NUFIP2: variants seen among roughly 807,000 people sequenced by gnomAD.
The protein encoded by NUFIP2 is nuclear FMR1 interacting protein 2.
Under a neutral mutation model 56.9 loss-of-function variants are expected in NUFIP2, and 6 were observed. The observed-to-expected ratio is 0.11, with a 90% CI of 0.06 to 0.21. The LOEUF (loss-of-function observed/expected upper bound fraction) is 0.21. Among genes scored for constraint, NUFIP2 ranks in the 10% least tolerant of loss-of-function variants. The probability of loss-of-function intolerance (pLI) is 1.00; values close to 1 mark genes in which losing one functional copy is unlikely to be tolerated. For missense variants in NUFIP2, 828 were observed against 826.8 expected, an observed-to-expected ratio of 1.00 and a Z score of -0.02; for synonymous variants, 321 against 298.2, an observed-to-expected ratio of 1.08 and a Z score of -0.79.
chr17:29,282,142 A>C (rs2069144054), intron 2 of NUFIP2, among the ~76,000 whole-genome samples: 1 of 152,154 alleles, frequency 6.6e-6, no homozygotes, highest in African/African-American at 2.4e-5. Context: ...AAAAATCCAT[A>C]GTACGCTTAA....
chr17:29,272,840 C>CTTTTTTTTTTTTTTTTT (rs869121432), intron 2 of NUFIP2, among the ~76,000 whole-genome samples: 1 of 129,106 alleles, frequency 7.7e-6, no homozygotes, highest in Admixed American at 7.5e-5. Flanking sequence ...GTAACTGATT[C>CTTTTTTTTTTTTTTTTT]TTTTTTTTTT....
At position 29,293,960 on chromosome 17, in the gene NUFIP2, G is replaced by T; in HGVS notation, c.100C>A (p.His34Asn). 6.2e-7 allele frequency: 1 copy of T among 1,612,822 alleles called. No individual in the cohort carries two copies. Among genetic ancestry groups the T allele is most frequent in the African/African-American group, 1.3e-5 (1 of 74,962 alleles). The change falls in exon 1 of 4, where the codon CAC (histidine) becomes AAC (asparagine). Residue 34 changes from histidine to asparagine, a missense_variant. This residue lies in a region of NUFIP2 where 415 missense variants were observed against 408.7 expected (regional missense o/e 1.02). Transcript: ENST00000225388. ...CTGTGGTTGTAGAAATAATAATGGTGGTGGTGGTGCGGCTGCTGCTGCTGC... is the reference window on the plus strand; with the variant it reads ...CTGTGGTTGTAGAAATAATAATGGTTGTGGTGGTGCGGCTGCTGCTGCTGC... ...QQQQQQPHHHHHYYFYNHSHN... is the reference protein window; with the variant it reads ...QQQQQQPHHHNHYYFYNHSHN...
chr17:29,277,482 T>C (rs542202447), intron 2 of NUFIP2, among the ~76,000 whole-genome samples: 4 of 152,116 alleles, frequency 2.6e-5, no homozygotes, highest in African/African-American at 9.7e-5. Context: ...CCATTTTGGA[T>C]CAAATTCTGT....
chr17:29,284,691 AG>A (rs1402120241), intron 2 of NUFIP2, among the ~76,000 whole-genome samples: 11 of 126,516 alleles, frequency 8.7e-5, no homozygotes, highest in African/African-American at 3.3e-4. Context: ...GGGTGACAAG[AG>A]TAAGACTCCA....
chr17:29,288,743 G>T (rs1244297448), intron 1 of NUFIP2, among the ~76,000 whole-genome samples: 1 of 152,144 alleles, frequency 6.6e-6, no homozygotes, highest in Non-Finnish European at 1.5e-5. Flanking sequence ...TGCAATCCAT[G>T]GTTTCCTATC....
intron 2 of NUFIP2, among the ~76,000 whole-genome samples, chr17:29,282,464 C>G (rs1489546028): frequency 6.6e-6 from 1 of 151,408 alleles, no homozygotes; most frequent in Non-Finnish European, 1.5e-5. Flanking sequence ...AGGAGAATCG[C>G]TTGAACCCAG....
intron 1 of NUFIP2, among the ~76,000 whole-genome samples, chr17:29,290,105 G>A (rs1297557124): frequency 1.3e-5 from 2 of 151,872 alleles, no homozygotes; most frequent in Admixed American, 6.6e-5. Context: ...GGCTGGTTTC[G>A]AACTCCTGAC....
At chr17:29,280,453 A>C (rs1475374248) in intron 2 of NUFIP2, among the ~76,000 whole-genome samples, 1 of 152,202 alleles carries the variant, frequency 6.6e-6, no homozygotes, top group East Asian at 1.9e-4. Context: ...CAAGCTAAGC[A>C]TGGTGGCTCA....
intron 2 of NUFIP2, among the ~76,000 whole-genome samples, chr17:29,273,527 G>C (rs867441841): frequency 0.012 from 1,664 of 143,734 alleles, 25 homozygotes; most frequent in African/African-American, 0.042. Flanking sequence ...CACACACACA[G>C]ACACACAGCA....
At chr17:29,292,782 G>C (rs1280541371) in intron 1 of NUFIP2, among the ~76,000 whole-genome samples, 1 of 148,778 alleles carries the variant, frequency 6.7e-6, no homozygotes, top group Non-Finnish European at 1.5e-5. Context: ...CTCCCCTCGT[G>C]GCCGCTTCCC....
rs996409175 is a variant in NUFIP2 at position 29,259,289 on chromosome 17, AAG to A, written c.*5248_*5249del. On this transcript the variant is annotated 3_prime_UTR_variant, in exon 4 of 4. Coordinates refer to ENST00000225388, the MANE Select transcript of NUFIP2 (RefSeq NM_020772.3). The stretch of plus-strand genomic sequence containing the variant: ...TAGTTAGTTTAATAAGGCTGTAGAA[AAG>A]AGATACTTGGCCGGGCACGGTGGCT... The A allele has an allele frequency of 3.9e-5, 6 of 152,192 alleles. No homozygotes were observed. Among genetic ancestry groups the A allele is most frequent in the Non-Finnish European group, 2.9e-5 (2 of 68,044 alleles). The allele number at this position is 152,192 out of a possible 1,614,324, so 9.4% of individuals were successfully genotyped here.
At chr17:29,275,931 G>A (rs1159081125) in intron 2 of NUFIP2, among the ~76,000 whole-genome samples, 1 of 151,788 alleles carries the variant, frequency 6.6e-6, no homozygotes, top group African/African-American at 2.4e-5. Flanking sequence ...AGGAGGCTGA[G>A]GCAGGAGAAT....
In NUFIP2 at chr17:29,286,519, G is replaced by A. The variant is rs761449974; in HGVS notation, c.1475C>T (p.Ser492Phe). ...CCCCAGGTTTTGCTGATCTGTCTGA[G>A]AGGGCAGATCCACTTGTGCTGTGCT... Reference protein sequence around the residue: ...LLSTAQVDLPSQTDQQNLGDI... With the variant: ...LLSTAQVDLPFQTDQQNLGDI... The change falls in exon 2 of 4, where the codon TCT becomes TTT. Residue 492 changes from serine (S) to phenylalanine (F), a missense_variant. Physicochemically the swap from Ser to Phe is radical, Grantham distance 155. Coordinates refer to ENST00000225388, the MANE Select transcript of NUFIP2 (RefSeq NM_020772.3). 5.6e-6 allele frequency: 9 copies of A among 1,614,042 alleles called. No homozygotes were observed. The South Asian group carries it at 6.6e-5, about 12-fold the overall frequency.
At chr17:29,288,205 G>C (rs566785332) in intron 1 of NUFIP2, among the ~76,000 whole-genome samples, 1 of 152,190 alleles carries the variant, frequency 6.6e-6, no homozygotes, top group Admixed American at 6.5e-5. Flanking sequence ...CACCACGCTC[G>C]GCTAATTCTT....
chr17:29,265,396 G>C (rs58299451), intron 3 of NUFIP2, among the ~76,000 whole-genome samples: 2 of 144,738 alleles, frequency 1.4e-5, no homozygotes, highest in African/African-American at 2.5e-5. Context: ...TCCGCCTCCC[G>C]GGTTCACGCC....
intron 1 of NUFIP2, among the ~76,000 whole-genome samples, chr17:29,288,900 T>C (rs148258333): frequency 7.9e-5 from 12 of 152,340 alleles, no homozygotes; most frequent in Non-Finnish European, 1.0e-4. Flanking sequence ...TCTGTAAACA[T>C]AGCACTTTGG....
intron 1 of NUFIP2, among the ~76,000 whole-genome samples, chr17:29,290,660 AAAAAAAAG>A (rs765701900): frequency 3.0e-3 from 437 of 145,748 alleles, no homozygotes; most frequent in African/African-American, 9.9e-3. Flanking sequence ...TCTCAAAAAA[AAAAAAAAG>A]AAAGAAAGAA....
chr17:29,271,952 A>G (rs969449278), intron 2 of NUFIP2, among the ~76,000 whole-genome samples: 1 of 151,502 alleles, frequency 6.6e-6, no homozygotes, highest in African/African-American at 2.4e-5. Context: ...GGGCACCGGT[A>G]GTCCTAGCTA....
At chr17:29,292,678 T>G (rs1160475905) in intron 1 of NUFIP2, among the ~76,000 whole-genome samples, 1 of 148,086 alleles carries the variant, frequency 6.8e-6, no homozygotes, top group Non-Finnish European at 1.5e-5. Flanking sequence ...CAGCTCCGCT[T>G]CGAGGCCGGC....
Sources: gnomAD v4.1 joint callset for allele counts (sites outside exome capture counted in the v4.1 genomes callset) on GRCh38, gnomAD v4.1.1 for gene constraint, gnomAD v4.1.1 regional missense constraint, MANE v1.5 for transcripts, NCBI Gene and HGNC (gene_info 2026-07-23, HGNC 2026-07-21) for gene names.